The following SCARA5 variants were observed in gnomAD, a reference collection of about 807,000 sequenced individuals.
SCARA5 encodes the protein scavenger receptor class A member 5.
A neutral mutation model predicts 46.3 loss-of-function variants in SCARA5; 45 were observed. The observed-to-expected ratio is 0.97, with a 90% CI of 0.76 to 1.24. The LOEUF is 1.24. Ranked by LOEUF, SCARA5 falls within the 50% of genes most tolerant of loss-of-function variation. SCARA5 has a pLI of 0.00. For synonymous variants in SCARA5, 333 were observed against 306.5 expected, an observed-to-expected ratio of 1.09 and a Z score of -0.90; for missense variants, 680 against 689.0, an observed-to-expected ratio of 0.99 and a Z score of 0.15.
chr8:27,981,003 TC>T (rs1482151721), intron 2 of SCARA5, among the ~76,000 whole-genome samples: 1 of 151,990 alleles, frequency 6.6e-6, no homozygotes, highest in Non-Finnish European at 1.5e-5. Context: ...TCCTCATCTC[TC>T]CCTCTCCTTC....
chr8:27,988,307 G>A (rs892149464), intron 1 of SCARA5, among the ~76,000 whole-genome samples: 1 of 152,202 alleles, frequency 6.6e-6, no homozygotes, highest in Non-Finnish European at 1.5e-5. Flanking sequence ...AGGCCAGGGA[G>A]GGCTTCTGTC....
chr8:27,873,847 C>T (rs1218921561), intron 8 of SCARA5, among the ~76,000 whole-genome samples: 1 of 152,082 alleles, frequency 6.6e-6, no homozygotes, highest in Admixed American at 6.5e-5. Flanking sequence ...ATGGCAAAAC[C>T]CCGTCTCTAC....
intron 3 of SCARA5, among the ~76,000 whole-genome samples, chr8:27,947,591 T>C (rs1808058135): frequency 6.6e-6 from 1 of 152,080 alleles, no homozygotes; most frequent in South Asian, 2.1e-4. Flanking sequence ...TGGATGAACT[T>C]TGAGAACATT....
At chr8:27,931,630 T>C (rs1393442840) in intron 3 of SCARA5, among the ~76,000 whole-genome samples, 1 of 152,174 alleles carries the variant, frequency 6.6e-6, no homozygotes, top group Non-Finnish European at 1.5e-5. Flanking sequence ...GAAACAGCTT[T>C]TTTCCTGCTT....
chr8:27,920,420 C>T (rs1041890659), intron 4 of SCARA5, among the ~76,000 whole-genome samples: 6 of 151,286 alleles, frequency 4.0e-5, no homozygotes, highest in African/African-American at 1.5e-4. Context: ...CGAGACCAGC[C>T]TGGCCAACAT....
At chr8:27,970,713 G>A (rs1808435329) in intron 2 of SCARA5, among the ~76,000 whole-genome samples, 1 of 152,074 alleles carries the variant, frequency 6.6e-6, no homozygotes, top group African/African-American at 2.4e-5. Flanking sequence ...ATTCTTTCCT[G>A]GGCAAAGCCA....
intron 3 of SCARA5, among the ~76,000 whole-genome samples, chr8:27,964,495 C>T (rs1005222499): frequency 1.3e-5 from 2 of 152,128 alleles, no homozygotes; most frequent in Admixed American, 6.5e-5. Context: ...CTGAAGCTTC[C>T]AGGACATTAT....
intron 7 of SCARA5, among the ~76,000 whole-genome samples, chr8:27,888,153 C>T (rs1806927281): frequency 6.6e-6 from 1 of 152,224 alleles, no homozygotes; most frequent in African/African-American, 2.4e-5. Context: ...GTCCCCCAGG[C>T]TCAAGCCATT....
intron 3 of SCARA5, among the ~76,000 whole-genome samples, chr8:27,933,723 T>A (rs1305131143): frequency 1.3e-5 from 2 of 152,080 alleles, no homozygotes; most frequent in Non-Finnish European, 2.9e-5. Context: ...ATTAGGAAAA[T>A]TTTCAAAACA....
chr8:27,983,357 C>T (rs143461128), intron 2 of SCARA5, among the ~76,000 whole-genome samples: 58 of 152,308 alleles, frequency 3.8e-4, no homozygotes, highest in Middle Eastern at 3.4e-3. Context: ...GCAGCCACAT[C>T]GTGAACAGAG....
chr8:27,989,546 G>A (rs1013202450), intron 1 of SCARA5, among the ~76,000 whole-genome samples: 1 of 152,186 alleles, frequency 6.6e-6, no homozygotes, highest in African/African-American at 2.4e-5. Flanking sequence ...CAGGAGGGCT[G>A]GACGCCTCTG....
At chr8:27,918,069 T>A (rs1206822296) in intron 4 of SCARA5, among the ~76,000 whole-genome samples, 2 of 152,194 alleles carry the variant, frequency 1.3e-5, no homozygotes, top group Non-Finnish European at 2.9e-5. Context: ...CACAGAGACA[T>A]ACAGATCCAG....
At chr8:27,940,988 C>G (rs931350548) in intron 3 of SCARA5, among the ~76,000 whole-genome samples, 2 of 152,030 alleles carry the variant, frequency 1.3e-5, no homozygotes, top group African/African-American at 4.8e-5. Context: ...CAAAACACTC[C>G]TATGAAATTT....
chr8:27,876,692 G>A (rs1415625743), intron 8 of SCARA5, among the ~76,000 whole-genome samples: 1 of 152,188 alleles, frequency 6.6e-6, no homozygotes. Flanking sequence ...CTGTGACAGA[G>A]GGAAGAGCTG....
rs1807582509 is a variant in SCARA5, at chr8:27,921,477, G to A, written c.916+94C>T. ...CAAGTGCACTTGGGGATGGGGTGGG[G>A]CTGGGGTACTCCTGGGTCCTTGGGG... On this transcript the variant is annotated intron_variant, in intron 4 of 8. Transcript: ENST00000354914. 3.7e-6 allele frequency: 4 copies of A among 1,082,326 alleles called. No homozygotes were observed. In the East Asian group the frequency reaches 8.2e-5, roughly 22 times the overall value. The allele number at this position is 1,082,326 out of a possible 1,614,324, so 67.0% of individuals were successfully genotyped here.
intron 2 of SCARA5, among the ~76,000 whole-genome samples, chr8:27,968,861 G>A (rs1049883357): frequency 6.6e-6 from 1 of 152,132 alleles, no homozygotes; most frequent in Non-Finnish European, 1.5e-5. Flanking sequence ...TATTTCCCTT[G>A]CCCTCTACCT....
intron 4 of SCARA5, among the ~76,000 whole-genome samples, chr8:27,914,319 C>T (rs1329333855): frequency 4.6e-5 from 7 of 152,320 alleles, no homozygotes; most frequent in East Asian, 3.9e-4. Flanking sequence ...TGAGAACAGA[C>T]GAATACACCC....
At chr8:27,900,248 C>T (rs1807129425) in intron 7 of SCARA5, among the ~76,000 whole-genome samples, 1 of 152,198 alleles carries the variant, frequency 6.6e-6, no homozygotes, top group South Asian at 2.1e-4. Context: ...TAAACAGATT[C>T]TCCCGGGCAC....
rs116850016 is a variant in SCARA5, at chr8:27,889,901, G to A, written c.1154-10135C>T. Among the ~76,000 whole-genome samples the A allele has an allele frequency of 3.1e-3, 466 of 152,246 alleles. 2 individuals are homozygous for A. The highest frequency in any genetic ancestry group is 5.0e-3 in the Non-Finnish European group (341 of 68,016). On this transcript the variant is annotated intron_variant, in intron 7 of 8. Coordinates refer to ENST00000354914, the MANE Select transcript of SCARA5 (RefSeq NM_173833.6). ...GAAGTCCGGGGTGATTCTACTTCCCGTGCACAGATATGCAGCACTAAAAAT... is the reference window on the plus strand; with the variant it reads ...GAAGTCCGGGGTGATTCTACTTCCCATGCACAGATATGCAGCACTAAAAAT...
Sources: allele counts gnomAD v4.1 joint callset (sites outside exome capture counted in the v4.1 genomes callset), GRCh38; gene constraint gnomAD v4.1.1; transcripts MANE v1.5; gene names NCBI Gene and HGNC (gene_info 2026-07-23, HGNC 2026-07-21).